The following HDAC1 variants were observed in gnomAD, a reference collection of about 807,000 sequenced individuals.
The protein encoded by HDAC1 is histone deacetylase 1, also known as protein deacetylase HDAC1.
HDAC1 carries 18 observed loss-of-function variants against 65.5 expected under a neutral mutation model. The observed-to-expected ratio is 0.27, with a 90% CI of 0.19 to 0.41. HDAC1 has a LOEUF of 0.41. Ranked by LOEUF, HDAC1 falls within the 10% of genes least tolerant of loss-of-function variation. HDAC1 has a pLI of 1.00. For synonymous variants in HDAC1, 211 were observed against 227.9 expected (o/e 0.93, Z 0.67); for missense variants, 373 against 625.2 (o/e 0.60, Z 4.30).
intron 3 of HDAC1, among the ~76,000 whole-genome samples, chr1:32,319,500 G>T (rs188205873): frequency 2.0e-5 from 3 of 152,212 alleles, no homozygotes; most frequent in Non-Finnish European, 4.4e-5. Context: ...TAGAGATGGG[G>T]TCTTGCTTTG....
At chr1:32,312,741 T>C (rs962423034) in intron 2 of HDAC1, among the ~76,000 whole-genome samples, 2 of 151,558 alleles carry the variant, frequency 1.3e-5, no homozygotes, top group Admixed American at 6.6e-5. Context: ...AGTGGCACAA[T>C]CTGGGCTCAC....
chr1:32,309,301 CAG>C (rs57785983), intron 2 of HDAC1, among the ~76,000 whole-genome samples: 6,843 of 152,204 alleles, frequency 0.045, 501 homozygotes, highest in African/African-American at 0.16. Flanking sequence ...GGTAGCATTT[CAG>C]AGAGTTACTT....
intron 1 of HDAC1, 113 bp from the exon 2 acceptor site, chr1:32,302,508 A>G: frequency 1.6e-6 from 1 of 618,434 alleles, no homozygotes; most frequent in Non-Finnish European, 3.0e-6. Flanking sequence ...AATCTTGGAA[A>G]CTAGAAATGA....
At chr1:32,332,929 C>T in intron 13 of HDAC1, 88 bp from the exon 14 acceptor site, 1 of 1,394,182 alleles carries the variant, frequency 7.2e-7, no homozygotes, top group Non-Finnish European at 1.0e-6. Context: ...CCAGTAGTCA[C>T]CTAGGATCCT....
chr1:32,320,035 G>A (rs868175550), intron 3 of HDAC1, among the ~76,000 whole-genome samples: 18 of 152,036 alleles, frequency 1.2e-4, no homozygotes, highest in Middle Eastern at 6.8e-3. Context: ...TGGCTAACAC[G>A]GTGAAACCCC....
Position 32,332,103 on chromosome 1 carries a change from C to G in HDAC1, c.1233C>G (p.Asp411Glu). 2 of 1,602,642 alleles carry G rather than the reference C, an allele frequency of 1.2e-6. No individual in the cohort carries two copies. Among genetic ancestry groups the G allele is most frequent in the Non-Finnish European group, 1.7e-6 (2 of 1,174,856 alleles). ...ACTCCCTCCCAGTCTGCTCCTCTGA[C>G]AAACGAATTGCCTGTGAGGAAGAGT... ...PDKRISICSS[D>E]KRIACEEEFS... is the part of the protein sequence containing the mutation. Residue 411 changes from aspartate (D) to glutamate (E), a missense_variant, in exon 12 of 14, where the codon GAC becomes GAG. By Grantham distance (45) the Asp-to-Glu change is conservative. Transcript: ENST00000373548.
chr1:32,321,059 A>G (rs553829049), intron 3 of HDAC1, among the ~76,000 whole-genome samples: 13 of 150,466 alleles, frequency 8.6e-5, no homozygotes, highest in South Asian at 8.4e-4. Context: ...GTGAAACCCC[A>G]TCTCTACTAA....
chr1:32,329,310 C>T lies in HDAC1; in HGVS notation c.729+150C>T. 1 of 657,666 alleles carries T rather than the reference C, an allele frequency of 1.5e-6. No individual in the cohort carries two copies. Among genetic ancestry groups the T allele is most frequent in the Non-Finnish European group, 2.8e-6 (1 of 361,924 alleles). The allele number at this position is 657,666 out of a possible 1,614,324, so 40.7% of individuals were successfully genotyped here. On this transcript the variant is annotated intron_variant, in intron 7 of 13. Coordinates refer to ENST00000373548, the MANE Select transcript of HDAC1 (RefSeq NM_004964.3). This position sits in a 1 kb window ranked among gnomAD's most constrained non-coding sequence, Gnocchi z 4.1. ...TTTGAACCCTGGATTGCTGTGTGGT[C>T]AGTTAGGGGAACAAACACCCATATT... is the stretch of plus-strand genomic sequence containing the variant.
rs750187329 is a variant in HDAC1, at chr1:32,333,073, TG to T, written c.*30del. 2.5e-6 allele frequency: 4 copies of T among 1,601,524 alleles called. No homozygotes were observed. Among genetic ancestry groups the T allele is most frequent in the Non-Finnish European group, 3.4e-6 (4 of 1,169,106 alleles). On this transcript the variant is annotated 3_prime_UTR_variant, in exon 14 of 14. Coordinates refer to ENST00000373548, the MANE Select transcript of HDAC1 (RefSeq NM_004964.3). ...GACCTCTCCAGCTCTGGCTTCCTGC[TG>T]AGTCCCTCACGTTTCTTCCCCAACC...
In HDAC1 at chr1:32,331,486, A is replaced by ATGACTACTTTGAATAC; in HGVS notation, c.994_1009dup (p.Phe337Ter). ...CTGCCCCAATCAGAGCTTCCATACAATGACTACTTTGAATACTTTGGACCA... is the reference window on the plus strand; with the variant it reads ...CTGCCCCAATCAGAGCTTCCATACAATGACTACTTTGAATACTGACTACTTTGAATACTTTGGACCA... On this transcript the variant is annotated frameshift_variant, in exon 10 of 14. Coordinates refer to ENST00000373548, the MANE Select transcript of HDAC1 (RefSeq NM_004964.3). LOFTEE classifies it high-confidence loss of function. The surrounding 1 kb of genome is among the most constrained non-coding windows in gnomAD (Gnocchi z 4.2). The ATGACTACTTTGAATAC allele has an allele frequency of 6.2e-7, 1 of 1,604,894 alleles. No individual in the cohort carries two copies.
At chr1:32,302,812 C>A in intron 2 of HDAC1, 79 bp downstream of exon 2, 1 of 750,330 alleles carries the variant, frequency 1.3e-6, no homozygotes. Flanking sequence ...CTCATTTTCT[C>A]CACCACTCAT....
chr1:32,322,114 A>G (rs1641155595), intron 3 of HDAC1, among the ~76,000 whole-genome samples: 1 of 152,130 alleles, frequency 6.6e-6, no homozygotes, highest in Non-Finnish European at 1.5e-5. Context: ...AGCACAATCC[A>G]AACTGAGCTC....
rs199731716 is a variant in HDAC1, at chr1:32,331,526, C to T, written c.1032C>T (p.His344=). ...FEYFGPDFKL[H]ISPSNMTNQN... is the part of the protein sequence containing the mutation. ...ACTTTGGACCAGATTTCAAGCTCCA[C>T]ATCAGTCCTTCCAATATGACTAACC... Residue 344 remains histidine (H), a synonymous_variant, in exon 10 of 14, where the codon CAC becomes CAT. Transcript: ENST00000373548. This position sits in a 1 kb window ranked among gnomAD's most constrained non-coding sequence, Gnocchi z 4.2. 25 of 1,612,784 alleles carry T rather than the reference C, an allele frequency of 1.6e-5. No individual in the cohort carries two copies. The East Asian group carries it at 5.6e-4, about 36-fold the overall frequency.
At chr1:32,295,198 G>A (rs1277382502) in intron 1 of HDAC1, among the ~76,000 whole-genome samples, 1 of 152,066 alleles carries the variant, frequency 6.6e-6, no homozygotes, top group Non-Finnish European at 1.5e-5. Flanking sequence ...TGGTTCTCTT[G>A]AGCCCAGGAG....
chr1:32,332,912 C>T (rs1338354245), intron 13 of HDAC1, 105 bp from the exon 14 acceptor site: 10 of 1,293,174 alleles, frequency 7.7e-6, no homozygotes, highest in Non-Finnish European at 9.9e-6. Context: ...GCTAGGAGCC[C>T]CAGCCCCCAG....
chr1:32,294,866 G>T (rs1437807977), intron 1 of HDAC1, among the ~76,000 whole-genome samples: 1 of 146,186 alleles, frequency 6.8e-6, no homozygotes, highest in Non-Finnish European at 1.5e-5. Flanking sequence ...TCAATATGTT[G>T]CCTGGGCTTG....
chr1:32,315,496 G>A (rs1641047886), intron 2 of HDAC1, among the ~76,000 whole-genome samples: 1 of 151,294 alleles, frequency 6.6e-6, no homozygotes, highest in Non-Finnish European at 1.5e-5. Flanking sequence ...GGGATTACAG[G>A]TGCATGCCAC....
At chr1:32,309,371 TTCTCTCTC>T (rs137943991) in intron 2 of HDAC1, among the ~76,000 whole-genome samples, 1 of 151,352 alleles carries the variant, frequency 6.6e-6, no homozygotes, top group Admixed American at 6.6e-5. Flanking sequence ...TTTCTTCTCT[TTCTCTCTC>T]TCTCTCTTTT....
At chr1:32,299,763 A>G (rs1640820695) in intron 1 of HDAC1, among the ~76,000 whole-genome samples, 1 of 152,216 alleles carries the variant, frequency 6.6e-6, no homozygotes, top group Non-Finnish European at 1.5e-5. Context: ...GTACCTGAGA[A>G]GCCCAATGTA....
Sources: gnomAD v4.1 joint callset for allele counts (sites outside exome capture counted in the v4.1 genomes callset) on GRCh38, gnomAD v4.1.1 for gene constraint, Gnocchi (gnomAD v3.1) non-coding constraint, MANE v1.5 for transcripts, NCBI Gene and HGNC (gene_info 2026-07-23, HGNC 2026-07-21) for gene names.